Variants in CACNA2D3 observed in about 807,000 individuals in gnomAD.
CACNA2D3 encodes calcium voltage-gated channel auxiliary subunit alpha2delta 3.
A neutral mutation model predicts 160.6 loss-of-function variants in CACNA2D3; 60 were observed. The observed-to-expected ratio is 0.37, with a 90% CI of 0.30 to 0.46. CACNA2D3 has a LOEUF of 0.46. Among genes scored for constraint, CACNA2D3 ranks in the 20% least tolerant of loss-of-function variants. The pLI is 1.00. For missense variants in CACNA2D3, 1,205 were observed against 1,365.0 expected, an observed-to-expected ratio of 0.88 and a Z score of 1.85; for synonymous variants, 558 against 492.9, an observed-to-expected ratio of 1.13 and a Z score of -1.75.
intron 2 of CACNA2D3, among the ~76,000 whole-genome samples, chr3:54,156,811 T>C (rs1355300099): frequency 6.6e-6 from 1 of 152,202 alleles, no homozygotes; most frequent in Non-Finnish European, 1.5e-5. Flanking sequence ...ATGGTGCTCC[T>C]AGCTGAGGCA....
chr3:54,403,103 A>G (rs912683510), intron 4 of CACNA2D3, among the ~76,000 whole-genome samples: 3 of 152,054 alleles, frequency 2.0e-5, no homozygotes, highest in Non-Finnish European at 4.4e-5. Flanking sequence ...GCTCACACCT[A>G]TAATCCCAGC....
At chr3:54,582,256 G>T (rs76191053) in intron 9 of CACNA2D3, among the ~76,000 whole-genome samples, 1,727 of 152,208 alleles carry the variant, frequency 0.011, 32 homozygotes, top group African/African-American at 0.04. Flanking sequence ...TGGTCACTGG[G>T]GTAACTGTTG....
intron 3 of CACNA2D3, among the ~76,000 whole-genome samples, chr3:54,321,585 C>G (rs1267001935): frequency 6.6e-6 from 1 of 152,180 alleles, no homozygotes; most frequent in Admixed American, 6.5e-5. Flanking sequence ...ATCCTTGTAA[C>G]ACCTCCGTGG....
chr3:54,981,549 T>C (rs1702508840), intron 29 of CACNA2D3, among the ~76,000 whole-genome samples: 1 of 151,670 alleles, frequency 6.6e-6, no homozygotes, highest in East Asian at 1.9e-4. Flanking sequence ...AAAGGGGGGC[T>C]GGGGAGAGAG....
chr3:55,052,409 T>G (rs1288276890), intron 35 of CACNA2D3, among the ~76,000 whole-genome samples: 1 of 151,040 alleles, frequency 6.6e-6, no homozygotes, highest in Non-Finnish European at 1.5e-5. Flanking sequence ...ATTCTATATA[T>G]ATGTTTGTGT....
At chr3:54,571,647 G>A (rs1702499708) in intron 8 of CACNA2D3, among the ~76,000 whole-genome samples, 1 of 149,672 alleles carries the variant, frequency 6.7e-6, no homozygotes, top group Non-Finnish European at 1.5e-5. Flanking sequence ...GTGTGTGTGT[G>A]TGTGTGTGTG....
At chr3:54,813,863 CTTT>C (rs10699574) in intron 13 of CACNA2D3, among the ~76,000 whole-genome samples, 7 of 121,568 alleles carry the variant, frequency 5.8e-5, no homozygotes, top group Admixed American at 1.7e-4. Flanking sequence ...TTATAATATT[CTTT>C]TTTTTTTTTT....
At chr3:54,857,081 A>G (rs549432789) in intron 17 of CACNA2D3, among the ~76,000 whole-genome samples, 173 of 152,314 alleles carry the variant, frequency 1.1e-3, no homozygotes, top group Middle Eastern at 3.4e-3. Context: ...ATGCCTGGCC[A>G]GGATGATGTA....
intron 34 of CACNA2D3, among the ~76,000 whole-genome samples, chr3:55,010,407 T>A (rs76606415): frequency 0.017 from 2,570 of 152,156 alleles, 60 homozygotes; most frequent in African/African-American, 0.058. Flanking sequence ...GGAAAATAAA[T>A]AAATAAAAGA....
At chr3:54,279,688 A>G (rs780692418) in intron 2 of CACNA2D3, among the ~76,000 whole-genome samples, 1 of 152,154 alleles carries the variant, frequency 6.6e-6, no homozygotes, top group Non-Finnish European at 1.5e-5. Flanking sequence ...GTCTGAGTAG[A>G]GCTCTGGCTT....
At chr3:54,449,561 T>A (rs1326550076) in intron 4 of CACNA2D3, among the ~76,000 whole-genome samples, 5 of 152,228 alleles carry the variant, frequency 3.3e-5, no homozygotes, top group African/African-American at 1.2e-4. Context: ...TCCCCATTGT[T>A]GGAGGTGGGG....
chr3:54,128,294 C>T (rs1017910283), intron 2 of CACNA2D3, among the ~76,000 whole-genome samples: 1 of 152,104 alleles, frequency 6.6e-6, no homozygotes, highest in Non-Finnish European at 1.5e-5. Context: ...AAGACATAGC[C>T]ATATGTCAGC....
At chr3:54,436,221 C>T (rs1700057781) in intron 4 of CACNA2D3, among the ~76,000 whole-genome samples, 1 of 152,154 alleles carries the variant, frequency 6.6e-6, no homozygotes, top group Non-Finnish European at 1.5e-5. Context: ...ATCAAAACCA[C>T]AATGAGATAA....
chr3:54,732,182 G>A (rs1231805977), intron 11 of CACNA2D3, among the ~76,000 whole-genome samples: 1 of 152,200 alleles, frequency 6.6e-6, no homozygotes, highest in Non-Finnish European at 1.5e-5. Flanking sequence ...TATATTTGAT[G>A]ACATCACTCT....
At chr3:54,150,886 G>A (rs1415769961) in intron 2 of CACNA2D3, among the ~76,000 whole-genome samples, 2 of 152,102 alleles carry the variant, frequency 1.3e-5, no homozygotes, top group African/African-American at 2.4e-5. Flanking sequence ...ACAGAGAGGT[G>A]AGTGAATGGA....
At chr3:54,423,702 A>G (rs1699871412) in intron 4 of CACNA2D3, among the ~76,000 whole-genome samples, 1 of 152,138 alleles carries the variant, frequency 6.6e-6, no homozygotes, top group African/African-American at 2.4e-5. Context: ...TTTTCTGAGT[A>G]AAAAGTGCCT....
At chr3:54,871,863 C>G (rs915911313) in intron 18 of CACNA2D3, among the ~76,000 whole-genome samples, 3 of 152,200 alleles carry the variant, frequency 2.0e-5, no homozygotes, top group African/African-American at 7.2e-5. Flanking sequence ...CTAAAACCAT[C>G]CCCCTGCGGA....
chr3:54,805,596 G>A (rs2106683411), intron 13 of CACNA2D3, among the ~76,000 whole-genome samples: 1 of 152,282 alleles, frequency 6.6e-6, no homozygotes, highest in African/African-American at 2.4e-5. Flanking sequence ...GGACCAGATG[G>A]ATTCACAGCC....
chr3:54,359,380 C>T (rs1488843333), intron 3 of CACNA2D3, among the ~76,000 whole-genome samples: 1 of 152,114 alleles, frequency 6.6e-6, no homozygotes, highest in African/African-American at 2.4e-5. Context: ...GGGTAGAGGT[C>T]AGAGTGTGTG....
Sources: gnomAD v4.1 joint callset for allele counts (sites outside exome capture counted in the v4.1 genomes callset) on GRCh38, gnomAD v4.1.1 for gene constraint, MANE v1.5 for transcripts, NCBI Gene and HGNC (gene_info 2026-07-23, HGNC 2026-07-21) for gene names.